CFAP54: variants seen among roughly 807,000 people sequenced by gnomAD.
The protein encoded by CFAP54 is cilia- and flagella-associated protein 54.
In CFAP54, 290 loss-of-function variants were observed where a neutral mutation model predicts 370.4. The observed-to-expected ratio is 0.78, with a 90% confidence interval of 0.71 to 0.86. The LOEUF (loss-of-function observed/expected upper bound fraction) is 0.86. Ranked by LOEUF, CFAP54 falls within the 40% of genes least tolerant of loss-of-function variation. The pLI is 0.00. For synonymous variants in CFAP54, 1,206 were observed against 1,236.5 expected (o/e 0.98, Z 0.52); for missense variants, 3,399 against 3,528.7 (o/e 0.96, Z 0.93).
At chr12:96,694,676 A>G (rs1183027116) in intron 45 of CFAP54, among the ~76,000 whole-genome samples, 8 of 152,162 alleles carry the variant, frequency 5.3e-5, no homozygotes, top group African/African-American at 1.4e-4. Context: ...TTTGCCTCCA[A>G]CTGAATGGAG....
intron 26 of CFAP54, among the ~76,000 whole-genome samples, chr12:96,600,674 T>A (rs2136443595): frequency 6.6e-6 from 1 of 151,130 alleles, no homozygotes; most frequent in South Asian, 2.1e-4. Context: ...GAGCAGTGGT[T>A]TGTAGTTGTC....
At chr12:96,823,853 A>T (rs1959058666) in intron 65 of CFAP54, among the ~76,000 whole-genome samples, 1 of 152,196 alleles carries the variant, frequency 6.6e-6, no homozygotes, top group South Asian at 2.1e-4. Flanking sequence ...AGGGCAGCTC[A>T]TGATCCACCC....
rs1249183763 is a variant in CFAP54, at chr12:96,514,352, T to C, written c.798+1308T>C. 1.1e-4 allele frequency among the ~76,000 whole-genome samples: 17 copies of C among 152,330 alleles called. 1 individual carries two copies. Among genetic ancestry groups the C allele is most frequent in the Admixed American group, 9.2e-4 (14 of 15,294 alleles). On this transcript the variant is annotated intron_variant, in intron 5 of 67. Transcript: ENST00000524981. ...ATTAATTATGTGTTCTCTCTCTGTT[T>C]TGCTTCTCAAATTAAAAAACTCTAT...
intron 19 of CFAP54, among the ~76,000 whole-genome samples, 192 bp from the exon 20 acceptor site, chr12:96,576,393 T>C (rs1955976142): frequency 6.6e-6 from 1 of 151,288 alleles, no homozygotes; most frequent in African/African-American, 2.4e-5. Flanking sequence ...ATGATTAACC[T>C]TATCTAGTAG....
At chr12:96,862,480 A>G (rs556736904) in intron 67 of CFAP54, among the ~76,000 whole-genome samples, 1 of 152,262 alleles carries the variant, frequency 6.6e-6, no homozygotes, top group East Asian at 1.9e-4. Flanking sequence ...GAGAAGTGAC[A>G]AGTTCCTGAC....
At chr12:96,499,979 AAAC>A (rs1955007520) in intron 1 of CFAP54, among the ~76,000 whole-genome samples, 1 of 151,726 alleles carries the variant, frequency 6.6e-6, no homozygotes, top group African/African-American at 2.4e-5. Context: ...AAACAAAACA[AAAC>A]AAAAAAAACC....
intron 3 of CFAP54, among the ~76,000 whole-genome samples, chr12:96,504,953 T>C (rs1161382384): frequency 6.7e-6 from 1 of 148,786 alleles, no homozygotes; most frequent in Non-Finnish European, 1.5e-5. Context: ...TTCTTTCTTT[T>C]TCTTTCTTTC....
chr12:96,647,631 C>G (rs1258655549), intron 33 of CFAP54, among the ~76,000 whole-genome samples: 2 of 151,802 alleles, frequency 1.3e-5, no homozygotes, highest in Non-Finnish European at 1.5e-5. Context: ...ATTTTTATTC[C>G]CATTTTCAAG....
chr12:96,752,629 T>G (rs1477255669), intron 55 of CFAP54, among the ~76,000 whole-genome samples: 1 of 152,240 alleles, frequency 6.6e-6, no homozygotes, highest in Non-Finnish European at 1.5e-5. Flanking sequence ...GTTCATCTGC[T>G]TTTAGCCTAG....
chr12:96,667,454 T>C (rs1957094518), intron 39 of CFAP54, among the ~76,000 whole-genome samples: 1 of 152,188 alleles, frequency 6.6e-6, no homozygotes, highest in Non-Finnish European at 1.5e-5. Flanking sequence ...AAATCTCAGT[T>C]CTTGACTTCT....
At chr12:96,722,988 A>G (rs530243772) in intron 50 of CFAP54, among the ~76,000 whole-genome samples, 1 of 152,308 alleles carries the variant, frequency 6.6e-6, no homozygotes, top group African/African-American at 2.4e-5. Flanking sequence ...TAGATGTACA[A>G]TTGAAGATGT....
At chr12:96,743,597 G>T in intron 53 of CFAP54, 38 bp downstream of exon 53, 1 of 1,611,986 alleles carries the variant, frequency 6.2e-7, no homozygotes, top group African/African-American at 1.3e-5. Context: ...TAGTCAGGGA[G>T]GGATTCCAGT....
intron 63 of CFAP54, among the ~76,000 whole-genome samples, chr12:96,805,236 A>C (rs898205975): frequency 3.3e-5 from 5 of 152,124 alleles, no homozygotes; most frequent in Non-Finnish European, 7.4e-5. Flanking sequence ...CAAAAAATAG[A>C]CAAGTGGGAC....
chr12:96,561,154 C>T (rs1374129418), intron 17 of CFAP54, among the ~76,000 whole-genome samples: 1 of 152,134 alleles, frequency 6.6e-6, no homozygotes, highest in African/African-American at 2.4e-5. Flanking sequence ...GTTTCCCCAC[C>T]CAAATCTCAT....
chr12:96,499,385 T>A (rs1954997215), intron 1 of CFAP54, among the ~76,000 whole-genome samples: 1 of 152,108 alleles, frequency 6.6e-6, no homozygotes. Flanking sequence ...TCATATGTAA[T>A]CAGGGGAATG....
intron 66 of CFAP54, among the ~76,000 whole-genome samples, chr12:96,836,634 T>A (rs1281864785): frequency 6.6e-6 from 1 of 152,208 alleles, no homozygotes; most frequent in African/African-American, 2.4e-5. Flanking sequence ...TATCTCCATT[T>A]TTTCTCAAGC....
At chr12:96,839,660 G>A (rs1406432053) in intron 66 of CFAP54, among the ~76,000 whole-genome samples, 1 of 152,234 alleles carries the variant, frequency 6.6e-6, no homozygotes. Context: ...AGGGCATAGT[G>A]GAGTAAGTTA....
chr12:96,537,074 A>G (rs1955515089), intron 12 of CFAP54, among the ~76,000 whole-genome samples: 1 of 152,184 alleles, frequency 6.6e-6, no homozygotes, highest in South Asian at 2.1e-4. Context: ...CTACATATGC[A>G]AATTAGGTCT....
At chr12:96,498,801 T>TTTCTGCTCTATGA (rs1954988141) in intron 1 of CFAP54, among the ~76,000 whole-genome samples, 1 of 152,042 alleles carries the variant, frequency 6.6e-6, no homozygotes, top group Non-Finnish European at 1.5e-5. Flanking sequence ...AAATGAAAAA[T>TTTCTGCTCTATGA]TTCTGCTCTA....
Sources: allele counts gnomAD v4.1 joint callset (sites outside exome capture counted in the v4.1 genomes callset), GRCh38; gene constraint gnomAD v4.1.1; transcripts MANE v1.5; gene names NCBI Gene and HGNC (gene_info 2026-07-23, HGNC 2026-07-21).